BRINP1: variants seen among roughly 807,000 people sequenced by gnomAD.
BRINP1 encodes the protein BMP/retinoic acid-inducible neural-specific protein 1.
BRINP1 carries 17 observed loss-of-function variants against 72.9 expected under a neutral mutation model. That is an observed-to-expected ratio of 0.23 (90% CI 0.16 to 0.35). The LOEUF (loss-of-function observed/expected upper bound fraction) is 0.35, where lower values mean the gene tolerates loss of function less well. Ranked by LOEUF, BRINP1 falls within the 10% of genes least tolerant of loss-of-function variation. The pLI, the probability that BRINP1 is intolerant of heterozygous loss-of-function variation, is 1.00. For missense variants in BRINP1, 850 were observed against 1,001.6 expected, an observed-to-expected ratio of 0.85 and a Z score of 2.04; for synonymous variants, 418 against 378.5, an observed-to-expected ratio of 1.10 and a Z score of -1.21.
intron 1 of BRINP1, among the ~76,000 whole-genome samples, chr9:119,334,154 T>A (rs761131722): frequency 2.0e-5 from 3 of 152,192 alleles, no homozygotes; most frequent in Non-Finnish European, 4.4e-5. Flanking sequence ...ATCCTTTGCC[T>A]CAAAATATCA....
intron 5 of BRINP1, among the ~76,000 whole-genome samples, chr9:119,228,910 C>T (rs756539961): frequency 2.0e-5 from 3 of 152,056 alleles, no homozygotes; most frequent in Non-Finnish European, 4.4e-5. Flanking sequence ...AAGATTAATA[C>T]AAAGGGGTGA....
At chr9:119,250,764 C>T (rs1830379376) in intron 2 of BRINP1, among the ~76,000 whole-genome samples, 1 of 152,088 alleles carries the variant, frequency 6.6e-6, no homozygotes. Flanking sequence ...ATGCAGCTCC[C>T]CCAGAATGAC....
At chr9:119,367,219 T>TATATATATATATATATATATATATATATA (rs1219045184) in intron 1 of BRINP1, among the ~76,000 whole-genome samples, 14 of 56,492 alleles carry the variant, frequency 2.5e-4, no homozygotes, top group East Asian at 8.0e-4. Flanking sequence ...GTGTGTGTGA[T>TATATATATATATATATATATATATATATA]TGATATATAT....
At chr9:119,278,714 C>T (rs2118959490) in intron 2 of BRINP1, among the ~76,000 whole-genome samples, 1 of 152,186 alleles carries the variant, frequency 6.6e-6, no homozygotes, top group South Asian at 2.1e-4. Context: ...ATGGTGAAAC[C>T]CTATCTCTAC....
chr9:119,281,108 C>A (rs1830706517), intron 2 of BRINP1, among the ~76,000 whole-genome samples: 1 of 152,134 alleles, frequency 6.6e-6, no homozygotes, highest in African/African-American at 2.4e-5. Flanking sequence ...GGGAGTCCAG[C>A]CAACCCTACT....
chr9:119,251,923 G>A (rs568549997), intron 2 of BRINP1, among the ~76,000 whole-genome samples: 6 of 152,178 alleles, frequency 3.9e-5, no homozygotes, highest in Non-Finnish European at 5.9e-5. Flanking sequence ...AAAATTCTTC[G>A]ATGTCTATTT....
chr9:119,265,665 C>A (rs951260948), intron 2 of BRINP1, among the ~76,000 whole-genome samples: 3 of 152,088 alleles, frequency 2.0e-5, no homozygotes, highest in Non-Finnish European at 4.4e-5. Flanking sequence ...GAAAGAATAA[C>A]CATGTCTCTC....
intron 7 of BRINP1, among the ~76,000 whole-genome samples, chr9:119,206,130 T>C (rs1460732007): frequency 6.6e-6 from 1 of 152,056 alleles, no homozygotes; most frequent in African/African-American, 2.4e-5. Context: ...AGAGAGGATA[T>C]TAGCACAGGG....
At chr9:119,230,007 C>T (rs571851500) in intron 5 of BRINP1, among the ~76,000 whole-genome samples, 12 of 151,886 alleles carry the variant, frequency 7.9e-5, no homozygotes, top group Non-Finnish European at 1.3e-4. Context: ...TGTGTGGCAA[C>T]TCCTAGAGAA....
intron 1 of BRINP1, among the ~76,000 whole-genome samples, chr9:119,364,018 C>CT (rs139650782): frequency 0.011 from 1,408 of 125,458 alleles, 19 homozygotes; most frequent in Non-Finnish European, 0.018. Flanking sequence ...TCATCCCTCC[C>CT]TTTTTTTTTT....
intron 1 of BRINP1, among the ~76,000 whole-genome samples, chr9:119,345,516 C>T (rs1018428998): frequency 6.6e-6 from 1 of 152,152 alleles, no homozygotes; most frequent in Non-Finnish European, 1.5e-5. Context: ...CTCTTTGCTA[C>T]CCCATCTTAC....
At chr9:119,277,073 C>G (rs1360396796) in intron 2 of BRINP1, among the ~76,000 whole-genome samples, 1 of 152,082 alleles carries the variant, frequency 6.6e-6, no homozygotes, top group Non-Finnish European at 1.5e-5. Flanking sequence ...AGTGTGTAGC[C>G]TTTTGGGTCT....
intron 1 of BRINP1, among the ~76,000 whole-genome samples, chr9:119,361,608 A>C (rs1831631155): frequency 6.6e-6 from 1 of 151,314 alleles, no homozygotes; most frequent in Admixed American, 6.6e-5. Context: ...CATGCAACAT[A>C]TTCTTCTTCT....
chr9:119,223,446 T>C lies in BRINP1; in HGVS notation c.686-9291A>G, dbSNP rs1341531452. 4.6e-5 allele frequency among the ~76,000 whole-genome samples: 7 copies of C among 152,108 alleles called. No individual in the cohort carries two copies. The East Asian group carries it at 1.3e-3, about 29-fold the overall frequency. On this transcript the variant is annotated intron_variant, in intron 5 of 7. Transcript: ENST00000265922. ...TCTATTCCTTTCTCCAGAAGTCTTA[T>C]GTGGTCTCAGGTAGTCTCTCTGCTG...
At chr9:119,249,874 G>GGGAA (rs1564228613) in intron 2 of BRINP1, among the ~76,000 whole-genome samples, 1 of 103,546 alleles carries the variant, frequency 9.7e-6, no homozygotes, top group Non-Finnish European at 2.0e-5. Flanking sequence ...GAGGGAGGGA[G>GGGAA]GGAAGGGAGG....
intron 1 of BRINP1, among the ~76,000 whole-genome samples, chr9:119,339,039 A>G (rs981188279): frequency 6.6e-6 from 1 of 152,222 alleles, no homozygotes; most frequent in Non-Finnish European, 1.5e-5. Context: ...TGAGAGGGGA[A>G]GATAAAACCT....
intron 1 of BRINP1, among the ~76,000 whole-genome samples, chr9:119,344,353 A>C (rs1038701665): frequency 6.6e-6 from 1 of 152,220 alleles, no homozygotes; most frequent in Non-Finnish European, 1.5e-5. Context: ...CACATAGTCT[A>C]GCACTCTCAT....
chr9:119,281,557 C>G (rs184402272), intron 2 of BRINP1, among the ~76,000 whole-genome samples: 5 of 152,012 alleles, frequency 3.3e-5, no homozygotes, highest in African/African-American at 9.7e-5. Context: ...TCTCTATGGG[C>G]GAGTGAGAAC....
chr9:119,192,318 C>T (rs913440982), intron 7 of BRINP1, among the ~76,000 whole-genome samples: 1 of 151,948 alleles, frequency 6.6e-6, no homozygotes, highest in Admixed American at 6.6e-5. Context: ...AGGCAACCTA[C>T]AGACTGAGAA....
Sources: allele counts gnomAD v4.1 joint callset (sites outside exome capture counted in the v4.1 genomes callset), GRCh38; gene constraint gnomAD v4.1.1; transcripts MANE v1.5; gene names NCBI Gene and HGNC (gene_info 2026-07-23, HGNC 2026-07-21).